The following PRDM5 variants were observed in gnomAD, a reference collection of about 807,000 sequenced individuals.
PRDM5 encodes PR domain zinc finger protein 5.
In PRDM5, 56 loss-of-function variants were observed where a neutral mutation model predicts 81.2. That is an observed-to-expected ratio of 0.69 (90% CI 0.56 to 0.86). The LOEUF is 0.86. PRDM5 is among the 40% of genes least tolerant of loss of function. The pLI is 0.00. For synonymous variants in PRDM5, 267 were observed against 256.4 expected (o/e 1.04, Z -0.39); for missense variants, 697 against 770.1 (o/e 0.91, Z 1.12).
At chr4:120,774,708 T>C (rs936678664) in intron 13 of PRDM5, among the ~76,000 whole-genome samples, 3 of 152,112 alleles carry the variant, frequency 2.0e-5, no homozygotes, top group African/African-American at 7.2e-5. Flanking sequence ...GGGCATAGGC[T>C]TGACATCAAA....
At chr4:120,762,732 T>A (rs1186514669) in intron 13 of PRDM5, 1 of 152,138 alleles carries the variant, frequency 6.6e-6, no homozygotes, top group Non-Finnish European at 1.5e-5. Flanking sequence ...AAATACTTTT[T>A]TTCCCCGCAG....
intron 14 of PRDM5, among the ~76,000 whole-genome samples, chr4:120,749,795 G>C (rs1345015076): frequency 6.6e-6 from 1 of 152,186 alleles, no homozygotes; most frequent in Non-Finnish European, 1.5e-5. Flanking sequence ...CTGACACCAA[G>C]GGGAGGGGCA....
chr4:120,822,084 G>A (rs940076068), intron 3 of PRDM5, among the ~76,000 whole-genome samples: 6 of 152,186 alleles, frequency 3.9e-5, no homozygotes, highest in African/African-American at 1.2e-4. Context: ...CACAGAAGAG[G>A]AATGCTACAA....
intron 3 of PRDM5, among the ~76,000 whole-genome samples, chr4:120,840,301 C>T (rs777748319): frequency 3.0e-4 from 45 of 152,152 alleles, no homozygotes; most frequent in Admixed American, 1.6e-3. Context: ...TGGGGCTCCC[C>T]GTCATTTGGC....
intron 8 of PRDM5, among the ~76,000 whole-genome samples, chr4:120,805,388 G>T (rs1188671151): frequency 6.6e-6 from 1 of 152,124 alleles, no homozygotes; most frequent in Middle Eastern, 3.2e-3. Context: ...GCCTGGCAGA[G>T]ACAGAATAAA....
Position 120,811,367 on chromosome 4 carries a change from G to A in PRDM5, c.945+3C>T, listed in dbSNP as rs1353801484. On this transcript the variant is annotated splice_donor_region_variant and intron_variant, in intron 8 of 15. Transcript: ENST00000264808. The stretch of plus-strand genomic sequence containing the variant: ...AACTGTGATGAATTTTTATCTTACT[G>A]ACCTTTCTATGTTCCTGTAGGCTTG... The A allele has an allele frequency of 6.4e-7, 1 of 1,569,374 alleles. No individual in the cohort carries two copies. Among genetic ancestry groups the A allele is most frequent in the Non-Finnish European group, 8.7e-7 (1 of 1,143,316 alleles).
chr4:120,836,992 T>C (rs1757434531), intron 3 of PRDM5, among the ~76,000 whole-genome samples: 2 of 152,184 alleles, frequency 1.3e-5, no homozygotes, highest in African/African-American at 4.8e-5. Context: ...AGTCAAATGT[T>C]CTGAGGCTAT....
intron 10 of PRDM5, among the ~76,000 whole-genome samples, chr4:120,789,182 A>G (rs1202509621): frequency 6.6e-6 from 1 of 152,188 alleles, no homozygotes; most frequent in Non-Finnish European, 1.5e-5. Flanking sequence ...ACTATGAAAC[A>G]TATCTTTTTA....
At chr4:120,712,868 C>T (rs1737208432) in intron 14 of PRDM5, among the ~76,000 whole-genome samples, 2 of 152,170 alleles carry the variant, frequency 1.3e-5, no homozygotes, top group Non-Finnish European at 2.9e-5. Flanking sequence ...TGATGGATAG[C>T]TAAGTTATTC....
At chr4:120,821,138 C>T (rs761705472) in intron 4 of PRDM5, 33 bp downstream of exon 4, 2 of 1,605,808 alleles carry the variant, frequency 1.2e-6, no homozygotes, top group African/African-American at 2.7e-5. Flanking sequence ...TACAACTTTT[C>T]TTCTCCCAGA....
intron 2 of PRDM5, among the ~76,000 whole-genome samples, chr4:120,888,812 C>T (rs184668): frequency 0.25 from 38,722 of 152,030 alleles, 5,691 homozygotes; most frequent in African/African-American, 0.39. Flanking sequence ...TGGCATCTTG[C>T]GCTTTTGATT....
At chr4:120,788,890 C>T (rs1235554555) in intron 10 of PRDM5, among the ~76,000 whole-genome samples, 1 of 152,188 alleles carries the variant, frequency 6.6e-6, no homozygotes, top group Non-Finnish European at 1.5e-5. Context: ...CATTGAGAAG[C>T]CACCTAATTT....
chr4:120,878,755 G>A (rs1401343992), intron 2 of PRDM5, among the ~76,000 whole-genome samples: 2 of 152,058 alleles, frequency 1.3e-5, no homozygotes, highest in African/African-American at 4.8e-5. Flanking sequence ...GCCAAAAGAT[G>A]AACAAATGAC....
intron 3 of PRDM5, among the ~76,000 whole-genome samples, chr4:120,825,181 A>T (rs1388289164): frequency 6.6e-6 from 1 of 152,154 alleles, no homozygotes; most frequent in Non-Finnish European, 1.5e-5. Context: ...TAAAATGGAG[A>T]AAATAGTAGT....
intron 14 of PRDM5, among the ~76,000 whole-genome samples, chr4:120,733,417 T>C (rs1363241435): frequency 6.6e-6 from 1 of 152,108 alleles, no homozygotes; most frequent in East Asian, 1.9e-4. Flanking sequence ...TTCACATCCT[T>C]GCACACGACA....
intron 14 of PRDM5, among the ~76,000 whole-genome samples, chr4:120,719,743 G>A (rs1479268225): frequency 6.6e-6 from 1 of 152,156 alleles, no homozygotes; most frequent in Non-Finnish European, 1.5e-5. Context: ...GAACTGGGCT[G>A]GGGCTACTTG....
intron 2 of PRDM5, chr4:120,896,962 C>G (rs559714862): frequency 2.0e-5 from 3 of 151,650 alleles, no homozygotes; most frequent in Admixed American, 2.0e-4. Flanking sequence ...GGATTACAGG[C>G]GCGAGCCACC....
chr4:120,847,280 G>T (rs1402957451), intron 3 of PRDM5, among the ~76,000 whole-genome samples: 1 of 152,032 alleles, frequency 6.6e-6, no homozygotes, highest in African/African-American at 2.4e-5. Context: ...TTATTTCCAA[G>T]ATTAGGTTAT....
At chr4:120,813,034 C>A (rs552877115) in intron 7 of PRDM5, 60 of 158,506 alleles carry the variant, frequency 3.8e-4, no homozygotes, top group Non-Finnish European at 7.3e-4. Flanking sequence ...TTTATAAAAT[C>A]TTTAAGTATA....
Sources: gnomAD v4.1 joint callset for allele counts (sites outside exome capture counted in the v4.1 genomes callset) on GRCh38, gnomAD v4.1.1 for gene constraint, MANE v1.5 for transcripts, NCBI Gene and HGNC (gene_info 2026-07-23, HGNC 2026-07-21) for gene names.